The following SLC28A3 variants were observed in gnomAD, a reference collection of about 807,000 sequenced individuals.
SLC28A3 encodes concentrative Na(+)-nucleoside cotransporter 3.
Under a neutral mutation model 84.2 loss-of-function variants are expected in SLC28A3, and 68 were observed. The ratio of observed to expected loss-of-function variants is 0.81; its 90% confidence interval spans 0.66 to 0.99. The LOEUF (loss-of-function observed/expected upper bound fraction) is 0.99, where lower values mean the gene tolerates loss of function less well. SLC28A3 is among the 50% of genes least tolerant of loss of function. SLC28A3 has a pLI of 0.00. For missense variants in SLC28A3, 712 were observed against 841.5 expected, an observed-to-expected ratio of 0.85 and a Z score of 1.90; for synonymous variants, 267 against 303.6, an observed-to-expected ratio of 0.88 and a Z score of 1.25.
the SLC28A3 span, among the ~76,000 whole-genome samples, chr9:84,348,099 T>C: frequency 1.3e-5 from 2 of 152,238 alleles, no homozygotes; most frequent in East Asian, 3.9e-4. Context: ...TCCTTAAAGT[T>C]TGCATTATAA....
At position 84,277,959 on chromosome 9, in the gene SLC28A3, C is replaced by A; in HGVS notation, c.*259G>T. ...TGCAAACATTAAAGTCAGAAAATCC[C>A]ATTGAGACTGGAATCAACAACACCT... is the stretch of plus-strand genomic sequence containing the variant. On this transcript the variant is annotated 3_prime_UTR_variant, in exon 18 of 18. Coordinates refer to ENST00000376238, the MANE Select transcript of SLC28A3 (RefSeq NM_001199633.2). 2.3e-6 allele frequency: 1 copy of A among 436,788 alleles called. No individual in the cohort carries two copies. The highest frequency in any genetic ancestry group is 3.8e-5 in the East Asian group (1 of 26,586). 27.1% of individuals were successfully genotyped at this position (436,788 alleles called of 1,614,324 possible).
At chr9:84,285,274 G>C (rs1824934540) in intron 14 of SLC28A3, 71 bp downstream of exon 14, 1 of 1,448,202 alleles carries the variant, frequency 6.9e-7, no homozygotes, top group Non-Finnish European at 9.5e-7. Flanking sequence ...TTGACACACA[G>C]AGGCATAAGT....
In SLC28A3 at chr9:84,299,605, A is replaced by C. The variant is rs1825547037; in HGVS notation, c.645T>G (p.Phe215Leu). The change falls in exon 6 of 18, where the codon TTT becomes TTG. Residue 215 changes from phenylalanine to leucine, a missense_variant. Physicochemically the swap from Phe to Leu is conservative, Grantham distance 22. Transcript: ENST00000376238. ...CTCTGGTTGGGTACTTGGAAAATAG[A>C]AATAACAGGACAATGTACATTATGA... is the stretch of plus-strand genomic sequence containing the variant. Reference protein sequence around the residue: ...GGLIMYIVLLFLFSKYPTRVY... With the variant: ...GGLIMYIVLLLLFSKYPTRVY... The C allele has an allele frequency of 9.9e-6, 16 of 1,613,874 alleles. No individual in the cohort carries two copies. Among genetic ancestry groups the C allele is most frequent in the Non-Finnish European group, 1.4e-5 (16 of 1,179,964 alleles).
Position 84,309,646 on chromosome 9 carries a change from C to T in SLC28A3, c.225G>A (p.Glu75=), listed in dbSNP as rs374409425. The T allele has an allele frequency of 3.7e-6, 6 of 1,612,984 alleles. No homozygotes were observed. Among genetic ancestry groups the T allele is most frequent in the African/African-American group, 1.3e-5 (1 of 74,748 alleles). Residue 75 remains glutamate, a synonymous_variant, in exon 3 of 18, where the codon GAG becomes GAA. Coordinates refer to ENST00000376238, the MANE Select transcript of SLC28A3 (RefSeq NM_001199633.2). The part of the protein sequence containing the change: ...RNREHMEDDD[E]EMQQKGCLER... ...GACTGTACCCTTTTTGTTGCATCTC[C>T]TCATCATCATCCTCCATGTGTTCTC... is the stretch of plus-strand genomic sequence containing the variant.
At chr9:84,345,250 A>AAAT (rs61425177), upstream of SLC28A3, among the ~76,000 whole-genome samples, 2 of 151,910 alleles carry the variant, frequency 1.3e-5, no homozygotes, top group Non-Finnish European at 2.9e-5. Context: ...AAAAAAAAAA[A>AAAT]TCCAAGTGGA....
rs59639654 is a variant in SLC28A3, at chr9:84,326,880, C to T, written c.61-13426G>A. 6.1e-3 allele frequency among the ~76,000 whole-genome samples: 934 copies of T among 152,166 alleles called. 17 individuals are homozygous for T. The highest frequency in any genetic ancestry group is 0.022 in the African/African-American group (901 of 41,506). On this transcript the variant is annotated intron_variant, in intron 1 of 17. Transcript: ENST00000376238. ...AAAATTTAGCCAGACATGGTGGCGC[C>T]TGTAATCCCAGCTACTCGGGAGGCT...
In SLC28A3 at chr9:84,316,480, G is replaced by C. The variant is rs150604269; in HGVS notation, c.61-3026C>G. Among the ~76,000 whole-genome samples, 241 of 152,312 alleles carry C rather than the reference G, an allele frequency of 1.6e-3. 1 individual carries two copies. The highest frequency in any genetic ancestry group is 5.4e-3 in the African/African-American group (226 of 41,568). ...TTTCCTCTGTCTTGCTGCCCAGTGT[G>C]AGGATGGTTCCAACTGGACCATGGA... On this transcript the variant is annotated intron_variant, in intron 1 of 17. Transcript: ENST00000376238.
intron 1 of SLC28A3, among the ~76,000 whole-genome samples, chr9:84,335,019 GCTA>G (rs1048739842): frequency 6.6e-6 from 1 of 151,828 alleles, no homozygotes; most frequent in Non-Finnish European, 1.5e-5. Context: ...CTCCTTAAGC[GCTA>G]CTGTTTCCCA....
In SLC28A3 at chr9:84,335,153, A is replaced by T. The variant is rs763403991; in HGVS notation, c.60+5421T>A. On this transcript the variant is annotated intron_variant, in intron 1 of 17. Coordinates refer to ENST00000376238, the MANE Select transcript of SLC28A3 (RefSeq NM_001199633.2). ...AGCTTCCTACTTCATCTACCCCTTC[A>T]TGAAGATGCCTGGAGTCAACTTAAT... Among the ~76,000 whole-genome samples, 47 of 152,284 alleles carry T rather than the reference A, an allele frequency of 3.1e-4. 1 individual carries two copies. Among genetic ancestry groups the T allele is most frequent in the Middle Eastern group, 6.8e-3 (2 of 294 alleles).
At chr9:84,297,136 G>T in intron 8 of SLC28A3, 85 bp downstream of exon 8, 2 of 1,123,302 alleles carry the variant, frequency 1.8e-6, no homozygotes, top group Non-Finnish European at 2.6e-6. Flanking sequence ...CCTGGTTTTT[G>T]GTCAGTTAAG....
At position 84,340,505 on chromosome 9, in the gene SLC28A3, G is replaced by A; in HGVS notation, c.60+69C>T. The A allele has an allele frequency of 3.3e-6, 5 of 1,536,698 alleles. No homozygotes were observed. The South Asian group carries it at 5.6e-5, about 17-fold the overall frequency. Reference sequence around the variant, plus strand: ...ATCTCCCTGCTTAGGTAAGAAACTTGCCAAGGGGCTAAGGAAAGGGCAGCT... The same window carrying A: ...ATCTCCCTGCTTAGGTAAGAAACTTACCAAGGGGCTAAGGAAAGGGCAGCT... On this transcript the variant is annotated intron_variant, in intron 1 of 17. Coordinates refer to ENST00000376238, the MANE Select transcript of SLC28A3 (RefSeq NM_001199633.2).
At chr9:84,307,073 G>A (rs1391648010) in intron 3 of SLC28A3, among the ~76,000 whole-genome samples, 1 of 139,250 alleles carries the variant, frequency 7.2e-6, no homozygotes, top group African/African-American at 2.7e-5. Context: ...AAAATCACTT[G>A]AGCCCGAGCG....
At chr9:84,362,658 T>TAAA in the SLC28A3 span, among the ~76,000 whole-genome samples, 1,509 of 134,080 alleles carry the variant, frequency 0.011, 20 homozygotes, top group East Asian at 0.054. Context: ...AATAAATAAG[T>TAAA]TAATAAATAA....
chr9:84,309,879 C>T (rs532854321), intron 2 of SLC28A3, among the ~76,000 whole-genome samples, 165 bp from the exon 3 acceptor site: 34 of 152,006 alleles, frequency 2.2e-4, no homozygotes, highest in African/African-American at 7.7e-4. Flanking sequence ...TTTTTTTTCC[C>T]GGCTTATAAT....
rs755596272 is a variant in SLC28A3, at chr9:84,288,167, G to A, written c.1161C>T (p.Ser387=). ...GAYISFGVPS[S]HLLTASVMSA... is the part of the protein sequence containing the mutation. ...ACATAACTGACGCTGTTAACAAGTG[G>A]GAGGATGGAACCTGCAATTTCAGAA... The change falls in exon 12 of 18, where the codon TCC becomes TCT. Residue 387 remains serine (S), a synonymous_variant. Transcript: ENST00000376238. 15 of 1,613,934 alleles carry A rather than the reference G, an allele frequency of 9.3e-6. No homozygotes were observed. Among genetic ancestry groups the A allele is most frequent in the Admixed American group, 5.0e-5 (3 of 60,006 alleles).
the SLC28A3 span, among the ~76,000 whole-genome samples, chr9:84,347,685 G>GA: frequency 1.2e-4 from 18 of 152,192 alleles, no homozygotes; most frequent in African/African-American, 2.7e-4. Flanking sequence ...TAGGTGAGGG[G>GA]ATTCCTGAGA....
At chr9:84,350,242 G>T in the SLC28A3 span, among the ~76,000 whole-genome samples, 1 of 152,180 alleles carries the variant, frequency 6.6e-6, no homozygotes, top group African/African-American at 2.4e-5. Flanking sequence ...TGGAGTTCAA[G>T]ACCAGCCTGA....
intron 1 of SLC28A3, among the ~76,000 whole-genome samples, chr9:84,337,447 C>CGT (rs1827018779): frequency 6.9e-6 from 1 of 144,636 alleles, no homozygotes; most frequent in African/African-American, 2.6e-5. Context: ...TGTGTGCGCG[C>CGT]GCGTGTGTGT....
chr9:84,340,486 C>T, intron 1 of SLC28A3, 88 bp downstream of exon 1: 1 of 1,369,320 alleles, frequency 7.3e-7, no homozygotes, highest in South Asian at 1.2e-5. Context: ...GATAATCTCC[C>T]TGCTTAGGTA....
Sources: gnomAD v4.1 joint callset for allele counts (sites outside exome capture counted in the v4.1 genomes callset) on GRCh38, gnomAD v4.1.1 for gene constraint, MANE v1.5 for transcripts, NCBI Gene and HGNC (gene_info 2026-07-23, HGNC 2026-07-21) for gene names.